Variants in DGKD observed in about 807,000 individuals in gnomAD.
The protein encoded by DGKD is diacylglycerol kinase delta.
A neutral mutation model predicts 154.4 loss-of-function variants in DGKD; 68 were observed. The observed-to-expected ratio is 0.44, with a 90% CI of 0.36 to 0.54. The LOEUF (loss-of-function observed/expected upper bound fraction) is 0.54. Among genes scored for constraint, DGKD ranks in the 20% least tolerant of loss-of-function variants. The pLI, the probability that DGKD is intolerant of heterozygous loss-of-function variation, is 0.00. For missense variants in DGKD, 1,343 were observed against 1,593.6 expected (o/e 0.84, Z 2.68); for synonymous variants, 693 against 638.0 (o/e 1.09, Z -1.30).
intron 3 of DGKD, among the ~76,000 whole-genome samples, chr2:233,433,524 C>T (rs967397790): frequency 6.6e-6 from 1 of 152,050 alleles, no homozygotes; most frequent in Non-Finnish European, 1.5e-5. Flanking sequence ...TATTTGATAG[C>T]ACAACGGGGT....
rs999631580 is a variant in DGKD at position 233,467,214 on chromosome 2, C to T, written c.3424+11C>T. ...GCCTGGGAGCCCCGGGTACCTGCCT[C>T]TCTCCCGCGTGTGTTTCTGGCCGTC... is the stretch of plus-strand genomic sequence containing the variant. On this transcript the variant is annotated intron_variant, in intron 28 of 29. Coordinates refer to ENST00000264057, the MANE Select transcript of DGKD (RefSeq NM_152879.3). 4 of 1,585,662 alleles carry T rather than the reference C, an allele frequency of 2.5e-6. No individual in the cohort carries two copies. The highest frequency in any genetic ancestry group is 1.7e-5 in the Admixed American group (1 of 59,976).
chr2:233,370,044 A>C (rs1702233404), intron 1 of DGKD, among the ~76,000 whole-genome samples: 1 of 152,048 alleles, frequency 6.6e-6, no homozygotes, highest in Admixed American at 6.6e-5. Context: ...TAAGTACATT[A>C]ATGGTATTGT....
chr2:233,382,127 G>A (rs369094004), intron 1 of DGKD, among the ~76,000 whole-genome samples: 7 of 152,272 alleles, frequency 4.6e-5, no homozygotes, highest in East Asian at 3.9e-4. Flanking sequence ...CCAGCTACTC[G>A]GGAGGGTGAG....
chr2:233,461,483 TC>T lies in DGKD; in HGVS notation c.2982-863del, dbSNP rs1224946891. On this transcript the variant is annotated intron_variant, in intron 24 of 29. Coordinates refer to ENST00000264057, the MANE Select transcript of DGKD (RefSeq NM_152879.3). ...GCACTTCCATACCGGCTGCAGTCCT[TC>T]CTGGCGCTGCATTCTCTGCCCCAGG... is the stretch of plus-strand genomic sequence containing the variant. 4.6e-5 allele frequency among the ~76,000 whole-genome samples: 7 copies of T among 152,236 alleles called. 1 individual carries two copies. Among genetic ancestry groups the T allele is most frequent in the South Asian group, 4.1e-4 (2 of 4,830 alleles).
intron 3 of DGKD, among the ~76,000 whole-genome samples, chr2:233,416,604 A>G (rs529330201): frequency 6.6e-6 from 1 of 152,352 alleles, no homozygotes; most frequent in East Asian, 1.9e-4. Flanking sequence ...CAGATTTACC[A>G]TTAGTTAATC....
chr2:233,367,787 C>T (rs138132383), intron 1 of DGKD, among the ~76,000 whole-genome samples: 1 of 151,918 alleles, frequency 6.6e-6, no homozygotes, highest in African/African-American at 2.4e-5. Context: ...GTCAGGCTGT[C>T]CCCCTCTGCT....
rs568272831 is a variant in DGKD at position 233,449,156 on chromosome 2, G to A, written c.1668G>A (p.Glu556=). The part of the protein sequence containing the change: ...LDSLLKTLDD[E]SQASSSLPNP... ...CCCTTCTCAAGACCTTGGACGATGA[G>A]TCCCAGGCCTCGTCCTCTCTGCCCA... Residue 556 remains glutamate (E), a synonymous_variant, in exon 15 of 30, where the codon GAG becomes GAA. Coordinates refer to ENST00000264057, the MANE Select transcript of DGKD (RefSeq NM_152879.3). This position sits in a 1 kb window ranked among gnomAD's most constrained non-coding sequence, Gnocchi z 5.3. The A allele has an allele frequency of 1.2e-6, 2 of 1,613,120 alleles. No individual in the cohort carries two copies. The highest frequency in any genetic ancestry group is 2.2e-5 in the East Asian group (1 of 44,840).
chr2:233,399,554 G>A (rs562861977), intron 3 of DGKD, among the ~76,000 whole-genome samples: 8 of 152,304 alleles, frequency 5.3e-5, no homozygotes, highest in African/African-American at 1.9e-4. Context: ...GTGGCTGTGG[G>A]GTGGAAGGGA....
Position 233,458,102 on chromosome 2 carries a change from G to A in DGKD, c.2581-182G>A. ...CAGTAACTTTGCCGAGATGAGAGCT[G>A]GGATTTGGTCCCAGGCAGCTGGTTT... On this transcript the variant is annotated intron_variant, in intron 21 of 29. Transcript: ENST00000264057. This position sits in a 1 kb window ranked among gnomAD's most constrained non-coding sequence, Gnocchi z 6.6. 1.9e-6 allele frequency: 1 copy of A among 532,616 alleles called. No homozygotes were observed. Among genetic ancestry groups the A allele is most frequent in the Non-Finnish European group, 3.4e-6 (1 of 295,248 alleles). The allele number at this position is 532,616 out of a possible 1,614,324, so 33.0% of individuals were successfully genotyped here.
chr2:233,465,553 A>C (rs2063798575), intron 27 of DGKD, among the ~76,000 whole-genome samples: 1 of 152,182 alleles, frequency 6.6e-6, no homozygotes, highest in Non-Finnish European at 1.5e-5. Flanking sequence ...GGAGTTCAAG[A>C]CCAGGCTCGG....
intron 1 of DGKD, among the ~76,000 whole-genome samples, chr2:233,355,514 G>T (rs2125364299): frequency 6.6e-6 from 1 of 152,316 alleles, no homozygotes; most frequent in Middle Eastern, 3.4e-3. Context: ...GATCCGGTTG[G>T]CACGGACTTT....
rs1367917808 is a variant in DGKD at position 233,459,247 on chromosome 2, C to T, written c.2695-510C>T. Among the ~76,000 whole-genome samples the T allele has an allele frequency of 6.6e-6, 1 of 152,244 alleles. No homozygotes were observed. The highest frequency in any genetic ancestry group is 1.9e-4 in the East Asian group (1 of 5,154). On this transcript the variant is annotated intron_variant, in intron 22 of 29. Transcript: ENST00000264057. The surrounding 1 kb of genome is among the most constrained non-coding windows in gnomAD (Gnocchi z 5.7). ...TGCTGATGACACCCACTGGCTGAAC[C>T]CCACCCTGCGACTGTCTGGTGTCTT...
chr2:233,469,019 T>C (rs1466312281), intron 29 of DGKD, among the ~76,000 whole-genome samples: 1 of 152,194 alleles, frequency 6.6e-6, no homozygotes, highest in Non-Finnish European at 1.5e-5. Flanking sequence ...GGCCAACCCC[T>C]GGGTGTTGAA....
rs937611841 is a variant in DGKD at position 233,469,779 on chromosome 2, C to T, written c.*319C>T. The T allele has an allele frequency of 1.9e-5, 6 of 309,074 alleles. No homozygotes were observed. The highest frequency in any genetic ancestry group is 9.2e-5 in the Admixed American group (2 of 21,740). The allele number at this position is 309,074 out of a possible 1,614,324, so 19.1% of individuals were successfully genotyped here. ...TGCTGTGGGCCAGGGAATCCAGCGG[C>T]GTCTGGCCTCCTGGGCACTGCTTGC... On this transcript the variant is annotated 3_prime_UTR_variant, in exon 30 of 30. Transcript: ENST00000264057.
chr2:233,464,690 T>A (rs564507689), intron 27 of DGKD, among the ~76,000 whole-genome samples: 14 of 152,236 alleles, frequency 9.2e-5, no homozygotes, highest in East Asian at 3.9e-4. Context: ...CCACTCACAC[T>A]CTCTTCCTGT....
intron 24 of DGKD, among the ~76,000 whole-genome samples, chr2:233,460,661 T>C (rs1575168775): frequency 6.6e-6 from 1 of 152,084 alleles, no homozygotes; most frequent in Non-Finnish European, 1.5e-5. Flanking sequence ...GAGGCCAAGG[T>C]GGGCAGATCA....
intron 1 of DGKD, among the ~76,000 whole-genome samples, chr2:233,355,462 A>C (rs372150117): frequency 1.3e-5 from 2 of 152,220 alleles, no homozygotes; most frequent in Non-Finnish European, 2.9e-5. Flanking sequence ...GTGGCTGGAC[A>C]GGTGGCTGCG....
intron 3 of DGKD, among the ~76,000 whole-genome samples, chr2:233,432,706 C>A (rs541918000): frequency 1.3e-5 from 2 of 152,002 alleles, no homozygotes; most frequent in South Asian, 2.1e-4. Context: ...ATTCCTCTGA[C>A]AAGGGATTAT....
chr2:233,368,056 A>G (rs905474977), intron 1 of DGKD, among the ~76,000 whole-genome samples: 12 of 151,870 alleles, frequency 7.9e-5, no homozygotes, highest in African/African-American at 2.7e-4. Flanking sequence ...ATTCCTGGGC[A>G]CTGTGCAAAT....
Sources: gnomAD v4.1 joint callset for allele counts (sites outside exome capture counted in the v4.1 genomes callset) on GRCh38, gnomAD v4.1.1 for gene constraint, Gnocchi (gnomAD v3.1) non-coding constraint, MANE v1.5 for transcripts, NCBI Gene and HGNC (gene_info 2026-07-23, HGNC 2026-07-21) for gene names.